CHCHD3: variants seen among roughly 807,000 people sequenced by gnomAD.
CHCHD3 encodes MICOS complex subunit MIC19.
Under a neutral mutation model 38.2 loss-of-function variants are expected in CHCHD3, and 20 were observed. The ratio of observed to expected loss-of-function variants is 0.52; its 90% CI spans 0.37 to 0.76. The LOEUF (loss-of-function observed/expected upper bound fraction) is 0.76. Among genes scored for constraint, CHCHD3 ranks in the 30% least tolerant of loss-of-function variants. The pLI is 0.00. For missense variants in CHCHD3, 245 were observed against 279.2 expected, an observed-to-expected ratio of 0.88 and a Z score of 0.87; for synonymous variants, 82 against 100.0, an observed-to-expected ratio of 0.82 and a Z score of 1.07.
In CHCHD3 at chr7:132,918,260, G is replaced by C. The variant is rs534952192; in HGVS notation, c.370-32515C>G. Among the ~76,000 whole-genome samples, 9 of 152,276 alleles carry C rather than the reference G, an allele frequency of 5.9e-5. No individual in the cohort carries two copies. The South Asian group carries it at 1.9e-3, about 32-fold the overall frequency. On this transcript the variant is annotated intron_variant, in intron 4 of 7. Transcript: ENST00000262570. ...AGAAGGAAACTGAATCTCAGATCTA[G>C]CATTTATTTGCTTTAGGACCATGGG...
intron 5 of CHCHD3, among the ~76,000 whole-genome samples, chr7:132,876,064 G>C (rs891814636): frequency 3.9e-5 from 6 of 152,312 alleles, no homozygotes; most frequent in African/African-American, 1.4e-4. Flanking sequence ...TCTAACAGAA[G>C]CACTGCAATT....
chr7:132,968,708 C>T (rs1220229544), intron 4 of CHCHD3, among the ~76,000 whole-genome samples: 2 of 152,186 alleles, frequency 1.3e-5, no homozygotes, highest in South Asian at 2.1e-4. Context: ...ACTGCAATTT[C>T]GTTCACCTGG....
intron 1 of CHCHD3, among the ~76,000 whole-genome samples, chr7:133,073,984 A>G (rs556082851): frequency 6.6e-6 from 1 of 152,302 alleles, no homozygotes; most frequent in South Asian, 2.1e-4. Context: ...GACGCAGTCT[A>G]AACATCCAAG....
chr7:132,826,743 T>C (rs1807518674), intron 6 of CHCHD3, among the ~76,000 whole-genome samples: 1 of 152,202 alleles, frequency 6.6e-6, no homozygotes, highest in Non-Finnish European at 1.5e-5. Context: ...ATAAATAGTA[T>C]GAACAAATTA....
intron 4 of CHCHD3, among the ~76,000 whole-genome samples, chr7:132,916,521 T>G (rs1810110504): frequency 6.6e-6 from 1 of 152,224 alleles, no homozygotes; most frequent in Non-Finnish European, 1.5e-5. Context: ...CACATAACTT[T>G]TATTATAGTA....
At chr7:132,877,839 A>C (rs753654667) in intron 5 of CHCHD3, among the ~76,000 whole-genome samples, 14 of 152,106 alleles carry the variant, frequency 9.2e-5, no homozygotes, top group Non-Finnish European at 1.8e-4. Context: ...GGAATAGTCT[A>C]TCTCTCTAGG....
chr7:132,917,355 A>G (rs1810132426), intron 4 of CHCHD3, among the ~76,000 whole-genome samples: 2 of 152,168 alleles, frequency 1.3e-5, no homozygotes, highest in Admixed American at 1.3e-4. Context: ...GTAATCCTCT[A>G]TATCATACTT....
At chr7:132,881,863 T>C (rs910865074) in intron 5 of CHCHD3, among the ~76,000 whole-genome samples, 1 of 152,178 alleles carries the variant, frequency 6.6e-6, no homozygotes, top group Non-Finnish European at 1.5e-5. Flanking sequence ...CTCTTTACAA[T>C]CTTTTGCATT....
rs759137340 is a variant in CHCHD3 at position 132,919,164 on chromosome 7, A to AGTGGC, written c.370-33424_370-33420dup. Among the ~76,000 whole-genome samples the AGTGGC allele has an allele frequency of 2.9e-4, 34 of 118,470 alleles. No individual in the cohort carries two copies. In the East Asian group the frequency reaches 8.8e-3, roughly 31 times the overall value. 77.7% of individuals were successfully genotyped at this position (118,470 alleles called of 152,430 possible). On this transcript the variant is annotated intron_variant, in intron 4 of 7. Transcript: ENST00000262570. ...TGCTCTGTCGCCCAGGCTGGAGTGC[A>AGTGGC]GTGGCGCGATCTCGGCTCACTGCAA...
chr7:133,031,195 A>G (rs926334959), intron 2 of CHCHD3, among the ~76,000 whole-genome samples: 1 of 152,140 alleles, frequency 6.6e-6, no homozygotes, highest in Non-Finnish European at 1.5e-5. Flanking sequence ...TAAGTTCAAT[A>G]CACATCACCT....
chr7:132,900,930 G>A (rs1278443819), intron 4 of CHCHD3, among the ~76,000 whole-genome samples: 2 of 152,208 alleles, frequency 1.3e-5, no homozygotes, highest in African/African-American at 2.4e-5. Flanking sequence ...GGCGGACGTT[G>A]CAGTGAGCCG....
Position 132,999,397 on chromosome 7 carries a change from T to C in CHCHD3, c.252-24111A>G, listed in dbSNP as rs367702536. Among the ~76,000 whole-genome samples the C allele has an allele frequency of 1.6e-4, 25 of 152,270 alleles. 1 individual carries two copies. The highest frequency in any genetic ancestry group is 3.4e-3 in the Middle Eastern group (1 of 292). On this transcript the variant is annotated intron_variant, in intron 3 of 7. Transcript: ENST00000262570. ...AGCATTTTGGTTAAGCATTAACCAA[T>C]AGGAACAAAGAAAAGTCTGTTTATT...
At chr7:132,907,436 G>A (rs1422895240) in intron 4 of CHCHD3, among the ~76,000 whole-genome samples, 1 of 152,108 alleles carries the variant, frequency 6.6e-6, no homozygotes, top group Non-Finnish European at 1.5e-5. Context: ...TTCATCAACT[G>A]GACTAGAACT....
chr7:133,068,634 C>T (rs1212471489), intron 2 of CHCHD3, among the ~76,000 whole-genome samples: 1 of 152,142 alleles, frequency 6.6e-6, no homozygotes, highest in Admixed American at 6.5e-5. Context: ...AAGAGACTTC[C>T]ACAGAAGACG....
chr7:132,955,608 A>C (rs1327910122), intron 4 of CHCHD3, among the ~76,000 whole-genome samples: 1 of 151,684 alleles, frequency 6.6e-6, no homozygotes, highest in Admixed American at 6.6e-5. Context: ...ACCTTTTATA[A>C]TGTGGATGGG....
chr7:132,978,442 T>C (rs1811829214), intron 3 of CHCHD3, among the ~76,000 whole-genome samples: 1 of 152,206 alleles, frequency 6.6e-6, no homozygotes, highest in Non-Finnish European at 1.5e-5. Flanking sequence ...ATTTGCCCTA[T>C]TTTTGTTCAC....
At chr7:132,940,496 G>A (rs1810737830) in intron 4 of CHCHD3, among the ~76,000 whole-genome samples, 2 of 152,160 alleles carry the variant, frequency 1.3e-5, no homozygotes, top group South Asian at 4.1e-4. Context: ...ATCCTTACAG[G>A]CAATTGGATT....
chr7:133,057,354 G>A (rs1814371903), intron 2 of CHCHD3, among the ~76,000 whole-genome samples: 1 of 152,114 alleles, frequency 6.6e-6, no homozygotes, highest in South Asian at 2.1e-4. Context: ...ATGAAGCCAG[G>A]AGTTTGAGAC....
chr7:132,807,089 T>C (rs1486041908), intron 6 of CHCHD3, among the ~76,000 whole-genome samples: 1 of 152,200 alleles, frequency 6.6e-6, no homozygotes, highest in Non-Finnish European at 1.5e-5. Context: ...CAAGAGGGAT[T>C]CTGGTGAGTA....
Sources: gnomAD v4.1 joint callset for allele counts (sites outside exome capture counted in the v4.1 genomes callset) on GRCh38, gnomAD v4.1.1 for gene constraint, MANE v1.5 for transcripts, NCBI Gene and HGNC (gene_info 2026-07-23, HGNC 2026-07-21) for gene names.